Variants in PPP3CA observed in about 807,000 individuals in gnomAD.
PPP3CA encodes CAM-PRP catalytic subunit.
Under a neutral mutation model 66.5 loss-of-function variants are expected in PPP3CA, and 14 were observed. The ratio of observed to expected loss-of-function variants is 0.21; its 90% CI spans 0.14 to 0.33. The LOEUF (loss-of-function observed/expected upper bound fraction) is 0.33. PPP3CA is among the 10% of genes least tolerant of loss of function. The pLI is 1.00. For missense variants in PPP3CA, 317 were observed against 639.5 expected, an observed-to-expected ratio of 0.50 and a Z score of 5.44; for synonymous variants, 232 against 226.2, an observed-to-expected ratio of 1.03 and a Z score of -0.23.
At chr4:101,258,845 C>G (rs748693450) in intron 1 of PPP3CA, among the ~76,000 whole-genome samples, 1 of 152,112 alleles carries the variant, frequency 6.6e-6, no homozygotes, top group Non-Finnish European at 1.5e-5. Flanking sequence ...AGAAACCAGA[C>G]AAGTGAACTG....
intron 11 of PPP3CA, among the ~76,000 whole-genome samples, chr4:101,037,581 TG>T (rs201126136): frequency 2.9e-4 from 44 of 151,904 alleles, no homozygotes; most frequent in African/African-American, 9.7e-4. Context: ...GCTTCCTAAA[TG>T]GTTTTTTTTT....
In PPP3CA at chr4:101,106,445, GAAAGAAAGAGAAA is replaced by G. The variant is rs1560605003; in HGVS notation, c.384+2496_384+2508del. Among the ~76,000 whole-genome samples the G allele has an allele frequency of 2.5e-3, 30 of 12,210 alleles. 5 individuals carry two copies. The highest frequency in any genetic ancestry group is 3.3e-3 in the Admixed American group (3 of 912). 8.0% of individuals were successfully genotyped at this position (12,210 alleles called of 152,430 possible). ...AGAAAGAAAGAAAGAAAGAAAGAAA[GAAAGAAAGAGAAA>G]AGAAAAGAAAAGAAAAGAAAAGAAA... On this transcript the variant is annotated intron_variant, in intron 3 of 13. Transcript: ENST00000394854.
At chr4:101,295,381 T>C (rs1340580573) in intron 1 of PPP3CA, among the ~76,000 whole-genome samples, 1 of 151,162 alleles carries the variant, frequency 6.6e-6, no homozygotes, top group Non-Finnish European at 1.5e-5. Context: ...TTATGAATAG[T>C]CAGGCAAATG....
intron 1 of PPP3CA, among the ~76,000 whole-genome samples, chr4:101,242,676 A>C (rs1726351066): frequency 6.6e-6 from 1 of 152,108 alleles, no homozygotes; most frequent in African/African-American, 2.4e-5. Context: ...TCATGCCTGT[A>C]ATTTTGGGAG....
chr4:101,101,754 A>G (rs1439102307), intron 3 of PPP3CA, among the ~76,000 whole-genome samples: 1 of 152,178 alleles, frequency 6.6e-6, no homozygotes, highest in Non-Finnish European at 1.5e-5. Flanking sequence ...GTTACATTTC[A>G]GCATTCAGAT....
intron 1 of PPP3CA, among the ~76,000 whole-genome samples, chr4:101,287,479 C>G (rs1295625884): frequency 6.6e-6 from 1 of 152,156 alleles, no homozygotes; most frequent in Non-Finnish European, 1.5e-5. Context: ...CATAGAAACA[C>G]AAGCCTCTGA....
At chr4:101,246,709 G>A (rs904879586) in intron 1 of PPP3CA, among the ~76,000 whole-genome samples, 10 of 151,818 alleles carry the variant, frequency 6.6e-5, no homozygotes, top group African/African-American at 2.2e-4. Flanking sequence ...GTGTACCTAC[G>A]TATATATATC....
At chr4:101,029,347 T>TAAAAAAAAAAAAAAGAAAAAA (rs1726817364) in intron 12 of PPP3CA, 152 bp from the exon 13 acceptor site, 1 of 78,822 alleles carries the variant, frequency 1.3e-5, no homozygotes, top group African/African-American at 7.1e-5. Context: ...ACAGAAATGC[T>TAAAAAAAAAAAAAAGAAAAAA]AAAAAAAAAA....
At chr4:101,109,191 C>T in intron 2 of PPP3CA, 113 bp from the exon 3 acceptor site, 3 of 1,075,390 alleles carry the variant, frequency 2.8e-6, no homozygotes, top group Admixed American at 2.6e-5. Context: ...TGAGCCAAAA[C>T]ATTCTTTTGC....
At chr4:101,130,879 T>G (rs142191092) in intron 2 of PPP3CA, among the ~76,000 whole-genome samples, 6,071 of 152,210 alleles carry the variant, frequency 0.04, 202 homozygotes, top group Middle Eastern at 0.11. Flanking sequence ...AGGATCAAAT[T>G]CACACATAAC....
chr4:101,331,801 A>ACCC (rs1464961351), intron 1 of PPP3CA, among the ~76,000 whole-genome samples: 8 of 152,328 alleles, frequency 5.3e-5, no homozygotes, highest in African/African-American at 1.9e-4. Flanking sequence ...GAGACTTAAA[A>ACCC]TAAGTTCAGT....
intron 1 of PPP3CA, among the ~76,000 whole-genome samples, chr4:101,261,221 C>G (rs917964882): frequency 6.6e-6 from 1 of 151,966 alleles, no homozygotes; most frequent in African/African-American, 2.4e-5. Flanking sequence ...AAGATTAAAA[C>G]AAATGGTGGA....
At chr4:101,252,003 G>A (rs760389803) in intron 1 of PPP3CA, among the ~76,000 whole-genome samples, 2 of 152,092 alleles carry the variant, frequency 1.3e-5, no homozygotes, top group Non-Finnish European at 2.9e-5. Flanking sequence ...TTTCAGAAAG[G>A]TCACACCTTG....
intron 1 of PPP3CA, among the ~76,000 whole-genome samples, chr4:101,272,988 A>C (rs1209682700): frequency 6.6e-5 from 10 of 152,260 alleles, no homozygotes; most frequent in Admixed American, 6.5e-4. Context: ...AATTGGCTTC[A>C]GAATTCCAAA....
chr4:101,151,253 T>C (rs138353034), intron 2 of PPP3CA, among the ~76,000 whole-genome samples: 49 of 152,280 alleles, frequency 3.2e-4, no homozygotes, highest in African/African-American at 1.2e-3. Context: ...GTTCAACAGA[T>C]TCATTTCCAT....
rs1234822649 is a variant in PPP3CA, at chr4:101,347,464, C to A, written c.-668G>T. The A allele has an allele frequency of 1.2e-5, 2 of 166,418 alleles. No individual in the cohort carries two copies. Among genetic ancestry groups the A allele is most frequent in the South Asian group, 1.4e-4 (1 of 7,108 alleles). 10.3% of individuals were successfully genotyped at this position (166,418 alleles called of 1,614,324 possible). On this transcript the variant is annotated 5_prime_UTR_variant, in exon 1 of 14. Coordinates refer to ENST00000394854, the MANE Select transcript of PPP3CA (RefSeq NM_000944.5). ...CCGCGCTCGCCTCTGCCTCCCCGCG[C>A]CGCTCCTCCACTCACCAAGGCACAG...
chr4:101,312,949 C>T (rs965899770), intron 1 of PPP3CA, among the ~76,000 whole-genome samples: 3 of 152,114 alleles, frequency 2.0e-5, no homozygotes, highest in African/African-American at 7.2e-5. Flanking sequence ...CTTTAAAATG[C>T]ACAATAAAAT....
chr4:101,068,074 T>C (rs1400428800), intron 8 of PPP3CA, among the ~76,000 whole-genome samples: 1 of 152,140 alleles, frequency 6.6e-6, no homozygotes, highest in African/African-American at 2.4e-5. Context: ...GAAAAATGAC[T>C]TGAATTTTAT....
At chr4:101,083,157 G>A (rs759911496) in intron 7 of PPP3CA, 29 bp downstream of exon 7, 60 of 1,406,906 alleles carry the variant, frequency 4.3e-5, no homozygotes, top group Non-Finnish European at 5.4e-5. Flanking sequence ...GACAATGCAT[G>A]GTTTTTATAA....
Sources: allele counts gnomAD v4.1 joint callset (sites outside exome capture counted in the v4.1 genomes callset), GRCh38; gene constraint gnomAD v4.1.1; transcripts MANE v1.5; gene names NCBI Gene and HGNC (gene_info 2026-07-23, HGNC 2026-07-21).